Variants in CNTN4 observed in about 807,000 individuals in gnomAD.
CNTN4 encodes contactin-4.
A neutral mutation model predicts 122.5 loss-of-function variants in CNTN4; 77 were observed. The ratio of observed to expected loss-of-function variants is 0.63; its 90% CI spans 0.52 to 0.76. The LOEUF (loss-of-function observed/expected upper bound fraction) is 0.76. Ranked by LOEUF, CNTN4 falls within the 30% of genes least tolerant of loss-of-function variation. The probability of loss-of-function intolerance (pLI) is 0.00; values close to 1 mark genes in which losing one functional copy is unlikely to be tolerated. For synonymous variants in CNTN4, 512 were observed against 447.0 expected, an observed-to-expected ratio of 1.15 and a Z score of -1.83; for missense variants, 1,256 against 1,259.1, an observed-to-expected ratio of 1.00 and a Z score of 0.04.
chr3:2,703,577 C>T (rs2086478930), intron 4 of CNTN4, among the ~76,000 whole-genome samples: 1 of 152,036 alleles, frequency 6.6e-6, no homozygotes, highest in African/African-American at 2.4e-5. Flanking sequence ...TCTTCAGTAA[C>T]TTTCAGTATC....
At chr3:2,507,464 C>T (rs944043127) in intron 3 of CNTN4, among the ~76,000 whole-genome samples, 1 of 151,638 alleles carries the variant, frequency 6.6e-6, no homozygotes, top group African/African-American at 2.4e-5. Flanking sequence ...GACTGTAATC[C>T]CAGCACTCTG....
chr3:2,346,903 T>G (rs981993842), intron 3 of CNTN4, among the ~76,000 whole-genome samples: 19 of 152,240 alleles, frequency 1.2e-4, no homozygotes, highest in African/African-American at 4.6e-4. Context: ...TTATTATTTA[T>G]GTGAATATTG....
At chr3:2,305,926 C>T (rs74627368) in intron 2 of CNTN4, among the ~76,000 whole-genome samples, 3,412 of 152,112 alleles carry the variant, frequency 0.022, 123 homozygotes, top group African/African-American at 0.078. Flanking sequence ...GTTAGCATGA[C>T]GTTTTAAAAT....
intron 3 of CNTN4, among the ~76,000 whole-genome samples, chr3:2,449,506 TAGGG>T (rs2048745989): frequency 6.6e-6 from 1 of 151,456 alleles, no homozygotes; most frequent in Non-Finnish European, 1.5e-5. Context: ...TCCCAGCTAC[TAGGG>T]AGGTTGAGGC....
chr3:3,031,990 A>C (rs1007137695), intron 16 of CNTN4, among the ~76,000 whole-genome samples: 2 of 152,180 alleles, frequency 1.3e-5, no homozygotes, highest in African/African-American at 4.8e-5. Context: ...TGTATCCTCT[A>C]GGCATAATGT....
intron 3 of CNTN4, among the ~76,000 whole-genome samples, chr3:2,408,562 A>G (rs1559526654): frequency 6.6e-6 from 1 of 152,220 alleles, no homozygotes; most frequent in Non-Finnish European, 1.5e-5. Flanking sequence ...TCTTCAATGT[A>G]TATTTTTGGG....
At chr3:2,116,276 A>C (rs2033344877) in intron 2 of CNTN4, among the ~76,000 whole-genome samples, 1 of 152,170 alleles carries the variant, frequency 6.6e-6, no homozygotes, top group East Asian at 1.9e-4. Flanking sequence ...TACATCTCAA[A>C]GCTTAGACAT....
intron 4 of CNTN4, among the ~76,000 whole-genome samples, chr3:2,720,178 A>G (rs1391740767): frequency 2.6e-5 from 4 of 152,210 alleles, no homozygotes; most frequent in African/African-American, 7.2e-5. Context: ...GTTGCCTGAC[A>G]AAAATACAGA....
chr3:2,201,840 A>C (rs2038108971), intron 2 of CNTN4, among the ~76,000 whole-genome samples: 1 of 152,180 alleles, frequency 6.6e-6, no homozygotes, highest in African/African-American at 2.4e-5. Flanking sequence ...TTTATCAGAT[A>C]GACAGTGAGC....
intron 4 of CNTN4, among the ~76,000 whole-genome samples, chr3:2,598,502 T>A (rs2080876961): frequency 6.6e-6 from 1 of 152,132 alleles, no homozygotes; most frequent in Non-Finnish European, 1.5e-5. Context: ...TAGAATTGAA[T>A]TTAGGGTGTA....
intron 13 of CNTN4, among the ~76,000 whole-genome samples, chr3:2,954,237 G>T (rs1465878175): frequency 6.6e-6 from 1 of 152,072 alleles, no homozygotes; most frequent in African/African-American, 2.4e-5. Context: ...ATGTCAGCCT[G>T]TCCTCAGGAG....
intron 14 of CNTN4, chr3:2,989,085 G>A (rs971901049): frequency 6.5e-6 from 1 of 152,760 alleles, no homozygotes; most frequent in African/African-American, 2.4e-5. Flanking sequence ...AAGCACGTGA[G>A]TGAAACTATT....
At chr3:2,960,313 T>C (rs992057344) in intron 13 of CNTN4, among the ~76,000 whole-genome samples, 2 of 152,244 alleles carry the variant, frequency 1.3e-5, no homozygotes, top group South Asian at 4.1e-4. Context: ...CTCTCTTTTC[T>C]TGTCTGCAGA....
chr3:3,005,446 C>G (rs1477135988), intron 14 of CNTN4, among the ~76,000 whole-genome samples: 1 of 152,212 alleles, frequency 6.6e-6, no homozygotes, highest in Non-Finnish European at 1.5e-5. Context: ...CCAGTGTCAT[C>G]ACTTGCAAAT....
chr3:3,004,927 G>T (rs1361933608), intron 14 of CNTN4, among the ~76,000 whole-genome samples: 1 of 152,232 alleles, frequency 6.6e-6, no homozygotes, highest in Non-Finnish European at 1.5e-5. Flanking sequence ...GGTGGAGGCT[G>T]CCTGGTCGGT....
chr3:2,672,736 A>G (rs1312225876), intron 4 of CNTN4, among the ~76,000 whole-genome samples: 4 of 152,168 alleles, frequency 2.6e-5, no homozygotes, highest in South Asian at 4.1e-4. Flanking sequence ...TCGGCCATCT[A>G]TAAAATGTTT....
At chr3:2,747,685 C>T (rs1456176013) in intron 6 of CNTN4, among the ~76,000 whole-genome samples, 4 of 152,226 alleles carry the variant, frequency 2.6e-5, no homozygotes, top group Non-Finnish European at 2.9e-5. Flanking sequence ...TGAGGACCTA[C>T]CAGGAAATGG....
At chr3:2,769,000 T>C (rs1286215102) in intron 6 of CNTN4, among the ~76,000 whole-genome samples, 1 of 152,170 alleles carries the variant, frequency 6.6e-6, no homozygotes, top group East Asian at 1.9e-4. Flanking sequence ...ATATCTTCAT[T>C]TAAAATGGGG....
intron 3 of CNTN4, among the ~76,000 whole-genome samples, chr3:2,389,662 CTCCT>C (rs2046375106): frequency 6.6e-6 from 1 of 152,018 alleles, no homozygotes; most frequent in Non-Finnish European, 1.5e-5. Context: ...TCTTATCTAT[CTCCT>C]TCATTGATGT....
Sources: allele counts gnomAD v4.1 joint callset (sites outside exome capture counted in the v4.1 genomes callset), GRCh38; gene constraint gnomAD v4.1.1; transcripts MANE v1.5; gene names NCBI Gene and HGNC (gene_info 2026-07-23, HGNC 2026-07-21).